Variants in PARD3 observed in about 807,000 individuals in gnomAD.
PARD3 encodes partitioning defective 3 homolog.
A neutral mutation model predicts 155.4 loss-of-function variants in PARD3; 75 were observed. That is an observed-to-expected ratio of 0.48 (90% CI 0.40 to 0.58). PARD3 has a LOEUF of 0.58. PARD3 is among the 20% of genes least tolerant of loss of function. The pLI is 0.00. For synonymous variants in PARD3, 576 were observed against 610.5 expected, an observed-to-expected ratio of 0.94 and a Z score of 0.83; for missense variants, 1,642 against 1,721.7, an observed-to-expected ratio of 0.95 and a Z score of 0.82.
chr10:34,553,567 A>T (rs908664373), intron 2 of PARD3, among the ~76,000 whole-genome samples: 2 of 152,212 alleles, frequency 1.3e-5, no homozygotes, highest in Non-Finnish European at 2.9e-5. Context: ...CAGCACATGC[A>T]AGGTACTGGC....
intron 1 of PARD3, among the ~76,000 whole-genome samples, chr10:34,709,457 C>A (rs1253177863): frequency 6.6e-6 from 1 of 152,080 alleles, no homozygotes; most frequent in Non-Finnish European, 1.5e-5. Context: ...CAGGAAAATG[C>A]AAATCATCTC....
intron 1 of PARD3, among the ~76,000 whole-genome samples, chr10:34,710,710 T>A (rs2094437689): frequency 1.3e-5 from 2 of 152,292 alleles, no homozygotes; most frequent in Admixed American, 6.5e-5. Flanking sequence ...TGTTCACTGA[T>A]AAACCCCAAG....
chr10:34,153,558 T>C (rs537926099), intron 22 of PARD3, among the ~76,000 whole-genome samples: 12 of 152,332 alleles, frequency 7.9e-5, no homozygotes, highest in African/African-American at 2.9e-4. Flanking sequence ...AACCATCCTT[T>C]GGCCATTTAA....
chr10:34,767,733 G>A (rs1838285918), intron 1 of PARD3, among the ~76,000 whole-genome samples: 1 of 151,692 alleles, frequency 6.6e-6, no homozygotes, highest in Non-Finnish European at 1.5e-5. Flanking sequence ...TGAGTAGCTG[G>A]GATTACAGGC....
At chr10:34,784,277 C>A (rs1466091516) in intron 1 of PARD3, among the ~76,000 whole-genome samples, 1 of 151,782 alleles carries the variant, frequency 6.6e-6, no homozygotes, top group African/African-American at 2.4e-5. Context: ...ATATAAATAG[C>A]AATATATAAA....
intron 23 of PARD3, among the ~76,000 whole-genome samples, chr10:34,125,071 C>CTTTTTTTTTTTTTTTTTTT (rs71523316): frequency 1.8e-4 from 25 of 140,628 alleles, no homozygotes; most frequent in African/African-American, 6.4e-4. Flanking sequence ...CTATTTCTTT[C>CTTTTTTTTTTTTTTTTTTT]TTTTTTTTTT....
chr10:34,300,298 G>C (rs745590898), intron 20 of PARD3, among the ~76,000 whole-genome samples: 1 of 152,108 alleles, frequency 6.6e-6, no homozygotes, highest in Non-Finnish European at 1.5e-5. Context: ...TACATAGTGG[G>C]GGCTCCTGAT....
At chr10:34,413,136 GATAT>G (rs139771703) in intron 5 of PARD3, among the ~76,000 whole-genome samples, 2,601 of 100,658 alleles carry the variant, frequency 0.026, 44 homozygotes, top group African/African-American at 0.049. Context: ...CAGTACTTCA[GATAT>G]ATATACACAC....
intron 2 of PARD3, among the ~76,000 whole-genome samples, chr10:34,573,393 C>T (rs906227959): frequency 3.3e-5 from 5 of 151,620 alleles, no homozygotes; most frequent in African/African-American, 4.8e-5. Context: ...GTATTACAGT[C>T]TTCGCTAAGT....
intron 9 of PARD3, among the ~76,000 whole-genome samples, chr10:34,378,702 T>C (rs963274808): frequency 2.0e-5 from 3 of 152,170 alleles, no homozygotes; most frequent in Admixed American, 2.0e-4. Context: ...AATCTTACCA[T>C]GTATATTTCC....
chr10:34,637,819 C>T (rs1161465147), intron 2 of PARD3, among the ~76,000 whole-genome samples: 1 of 152,188 alleles, frequency 6.6e-6, no homozygotes, highest in Admixed American at 6.5e-5. Flanking sequence ...AAGAGAAAAA[C>T]CAAGTGATCT....
In PARD3 at chr10:34,815,114, A is replaced by T; in HGVS notation, c.-119T>A. 3 of 424,428 alleles carry T rather than the reference A, an allele frequency of 7.1e-6. No homozygotes were observed. The highest frequency in any genetic ancestry group is 9.5e-6 in the Non-Finnish European group (3 of 315,042). The allele number at this position is 424,428 out of a possible 1,614,324, so 26.3% of individuals were successfully genotyped here. On this transcript the variant is annotated 5_prime_UTR_variant, in exon 1 of 25. The change abolishes the stop of an existing upstream ORF in the 5' untranslated region. Transcript: ENST00000374788. ...TGGGGACTCGGGCGCGCGGGCGGCT[A>T]GGGGCGCGGGCAGGCGGCGGCGACG...
At position 34,551,229 on chromosome 10, in the gene PARD3, C is replaced by T. The variant is rs370228554; in HGVS notation, c.223-34070G>A. Among the ~76,000 whole-genome samples the T allele has an allele frequency of 2.6e-5, 4 of 152,054 alleles. No individual in the cohort carries two copies. The East Asian group carries it at 7.7e-4, about 29-fold the overall frequency. On this transcript the variant is annotated intron_variant, in intron 2 of 24. Transcript: ENST00000374788. The stretch of plus-strand genomic sequence containing the variant: ...GGGGTAAGAAGAAAATGCTCATATC[C>T]CGAAGCAGTGCCCTGTTCAGCCCCT...
intron 5 of PARD3, among the ~76,000 whole-genome samples, chr10:34,425,144 C>T (rs940279969): frequency 6.6e-6 from 1 of 151,894 alleles, no homozygotes; most frequent in African/African-American, 2.4e-5. Context: ...CTGGAATAGC[C>T]TGCATTTAGA....
At chr10:34,371,513 AAAAAAAAAAAAAAAAAAAAC>A (rs1443977526) in intron 12 of PARD3, among the ~76,000 whole-genome samples, 9,471 of 121,570 alleles carry the variant, frequency 0.078, 2,147 homozygotes, top group African/African-American at 0.3. Context: ...AAAAAAAAAA[AAAAAAAAAAAAAAAAAAAAC>A]AACGAAGGAA....
chr10:34,587,704 C>A (rs1238386832), intron 2 of PARD3, among the ~76,000 whole-genome samples: 1 of 152,166 alleles, frequency 6.6e-6, no homozygotes, highest in Non-Finnish European at 1.5e-5. Flanking sequence ...TTAGCTATGT[C>A]TCCTGCATGC....
chr10:34,790,500 T>C (rs981368543), intron 1 of PARD3, among the ~76,000 whole-genome samples: 11 of 152,298 alleles, frequency 7.2e-5, no homozygotes, highest in African/African-American at 2.2e-4. Context: ...CTCCTATCCT[T>C]AGGATGCTTC....
intron 24 of PARD3, among the ~76,000 whole-genome samples, chr10:34,115,712 C>T (rs11009649): frequency 0.029 from 4,174 of 141,498 alleles, 70 homozygotes; most frequent in Middle Eastern, 0.067. Context: ...TAATTTTTTT[C>T]TTTTTTTTTT....
At chr10:34,631,314 G>A (rs1054612935) in intron 2 of PARD3, among the ~76,000 whole-genome samples, 9 of 152,068 alleles carry the variant, frequency 5.9e-5, no homozygotes, top group Non-Finnish European at 1.0e-4. Context: ...GAAAAGGTCC[G>A]TGACGTCAAG....
Sources: allele counts gnomAD v4.1 joint callset (sites outside exome capture counted in the v4.1 genomes callset), GRCh38; gene constraint gnomAD v4.1.1; transcripts MANE v1.5; gene names NCBI Gene and HGNC (gene_info 2026-07-23, HGNC 2026-07-21).